The following CARMIL1 variants were observed in gnomAD, a reference collection of about 807,000 sequenced individuals.
The protein encoded by CARMIL1 is F-actin-uncapping protein LRRC16A.
Under a neutral mutation model 177.1 loss-of-function variants are expected in CARMIL1, and 90 were observed. The observed-to-expected ratio is 0.51, with a 90% confidence interval of 0.43 to 0.61. The LOEUF (loss-of-function observed/expected upper bound fraction) is 0.61, where lower values mean the gene tolerates loss of function less well. Ranked by LOEUF, CARMIL1 falls within the 20% of genes least tolerant of loss-of-function variation. CARMIL1 has a pLI of 0.00. For missense variants in CARMIL1, 1,380 were observed against 1,667.0 expected (o/e 0.83, Z 3.00); for synonymous variants, 577 against 606.2 (o/e 0.95, Z 0.71).
At chr6:25,480,478 A>T (rs1374162876) in intron 11 of CARMIL1, among the ~76,000 whole-genome samples, 1 of 151,612 alleles carries the variant, frequency 6.6e-6, no homozygotes, top group Non-Finnish European at 1.5e-5. Flanking sequence ...GATTTCTTTT[A>T]GTTAGTGTTT....
At chr6:25,473,376 C>T (rs1801250486) in intron 11 of CARMIL1, among the ~76,000 whole-genome samples, 1 of 152,110 alleles carries the variant, frequency 6.6e-6, no homozygotes. Context: ...AACTTAACTA[C>T]TAATAGCAGG....
At chr6:25,414,592 A>G (rs897053322) in intron 2 of CARMIL1, among the ~76,000 whole-genome samples, 4 of 152,186 alleles carry the variant, frequency 2.6e-5, no homozygotes, top group African/African-American at 9.6e-5. Context: ...GATTTCTAGT[A>G]TGAATGTAGC....
At chr6:25,352,346 A>G (rs1788194910) in intron 2 of CARMIL1, among the ~76,000 whole-genome samples, 1 of 151,524 alleles carries the variant, frequency 6.6e-6, no homozygotes, top group South Asian at 2.1e-4. Flanking sequence ...AGGTGAGGCT[A>G]AACTTTTATT....
chr6:25,326,980 T>C lies in CARMIL1; in HGVS notation c.138+42071T>C, dbSNP rs1785169651. On this transcript the variant is annotated intron_variant, in intron 2 of 36. Transcript: ENST00000329474. The surrounding 1 kb of genome is among the most constrained non-coding windows in gnomAD (Gnocchi z 4.2). The stretch of plus-strand genomic sequence containing the variant: ...ACATAACTTTTGAACACATTGCGTT[T>C]GGAGTGTTCATGAAATGTCCAAGTG... Among the ~76,000 whole-genome samples, 2 of 152,084 alleles carry C rather than the reference T, an allele frequency of 1.3e-5. No individual in the cohort carries two copies. Among genetic ancestry groups the C allele is most frequent in the African/African-American group, 4.8e-5 (2 of 41,400 alleles).
At chr6:25,471,298 C>T (rs764679669) in intron 10 of CARMIL1, 41 bp downstream of exon 10, 1 of 1,410,258 alleles carries the variant, frequency 7.1e-7, no homozygotes, top group African/African-American at 1.4e-5. Context: ...TGCTTTAAAA[C>T]TCTGTGCCAT....
At chr6:25,465,587 GAGGTA>G in intron 8 of CARMIL1, 1 of 368,056 alleles carries the variant, frequency 2.7e-6, no homozygotes, top group Non-Finnish European at 4.9e-6. Context: ...TATGGACTTA[GAGGTA>G]GGATTTCTCT....
At chr6:25,298,393 T>C (rs1297594581) in intron 2 of CARMIL1, among the ~76,000 whole-genome samples, 1 of 152,258 alleles carries the variant, frequency 6.6e-6, no homozygotes, top group South Asian at 2.1e-4. Context: ...ACAGACTGTC[T>C]ACAGAAATGG....
At chr6:25,521,341 A>G (rs1806529322) in intron 23 of CARMIL1, among the ~76,000 whole-genome samples, 1 of 151,436 alleles carries the variant, frequency 6.6e-6, no homozygotes, top group African/African-American at 2.4e-5. Flanking sequence ...TCTCATATTC[A>G]CTTTGGGGTG....
intron 29 of CARMIL1, among the ~76,000 whole-genome samples, chr6:25,559,110 C>G (rs780580254): frequency 1.6e-4 from 25 of 152,070 alleles, no homozygotes; most frequent in Admixed American, 7.9e-4. Flanking sequence ...AAGATAGAAC[C>G]TTTCACATGG....
At chr6:25,533,253 A>AG (rs1184661579) in intron 24 of CARMIL1, among the ~76,000 whole-genome samples, 1 of 152,156 alleles carries the variant, frequency 6.6e-6, no homozygotes, top group African/African-American at 2.4e-5. Context: ...CACAATGTGC[A>AG]GGGGCCTTTT....
chr6:25,431,843 T>C (rs1796817777), intron 4 of CARMIL1, among the ~76,000 whole-genome samples: 1 of 152,128 alleles, frequency 6.6e-6, no homozygotes, highest in South Asian at 2.1e-4. Context: ...TGAATAGCTT[T>C]ACAACAGTGC....
At chr6:25,542,670 G>A (rs749738951) in intron 26 of CARMIL1, among the ~76,000 whole-genome samples, 7 of 151,844 alleles carry the variant, frequency 4.6e-5, no homozygotes, top group African/African-American at 7.3e-5. Flanking sequence ...CAACTAAAAC[G>A]TCTTAATTAA....
At chr6:25,429,688 G>A (rs982785976) in intron 4 of CARMIL1, among the ~76,000 whole-genome samples, 1 of 151,922 alleles carries the variant, frequency 6.6e-6, no homozygotes, top group East Asian at 1.9e-4. Flanking sequence ...AATTAGTGTT[G>A]GATTTTGGCA....
intron 2 of CARMIL1, among the ~76,000 whole-genome samples, chr6:25,329,251 C>A (rs977349236): frequency 6.6e-6 from 1 of 152,194 alleles, no homozygotes; most frequent in Non-Finnish European, 1.5e-5. Context: ...TCTGGGAACA[C>A]TAGGTCTATG....
chr6:25,369,525 G>GC (rs1046094924), intron 2 of CARMIL1, among the ~76,000 whole-genome samples: 3 of 151,408 alleles, frequency 2.0e-5, no homozygotes, highest in Non-Finnish European at 4.4e-5. Flanking sequence ...TGTGCCCCTC[G>GC]CCCCCCTTAC....
At chr6:25,303,125 C>CT (rs57430643) in intron 2 of CARMIL1, among the ~76,000 whole-genome samples, 13,582 of 144,052 alleles carry the variant, frequency 0.094, 1,164 homozygotes, top group African/African-American at 0.23. Context: ...TAGGCATCTC[C>CT]TTTTTTTTTT....
chr6:25,617,274 G>A (rs2151355129), intron 36 of CARMIL1, among the ~76,000 whole-genome samples: 1 of 152,084 alleles, frequency 6.6e-6, no homozygotes, highest in African/African-American at 2.4e-5. Flanking sequence ...TAATGACCCT[G>A]GTCTATAGGG....
At position 25,600,391 on chromosome 6, in the gene CARMIL1, AAAG is replaced by A; in HGVS notation, c.3198_3200del (p.Lys1066_Ser1067delinsAsn). On this transcript the variant is annotated inframe_deletion, in exon 33 of 37. Coordinates refer to ENST00000329474, the MANE Select transcript of CARMIL1 (RefSeq NM_017640.6). Reference sequence around the variant, plus strand: ...GAAAAGAAAAAGCGAGATTCTCGGAAAAGTAGTGGCTTTCTCAATTTAATCAAA... The same window carrying A: ...GAAAAGAAAAAGCGAGATTCTCGGAATAGTGGCTTTCTCAATTTAATCAAA... The A allele has an allele frequency of 6.2e-7, 1 of 1,614,018 alleles. No individual in the cohort carries two copies. Among genetic ancestry groups the A allele is most frequent in the South Asian group, 1.1e-5 (1 of 91,084 alleles).
intron 35 of CARMIL1, among the ~76,000 whole-genome samples, chr6:25,609,325 G>A (rs1816293537): frequency 6.6e-6 from 1 of 152,000 alleles, no homozygotes; most frequent in South Asian, 2.1e-4. Flanking sequence ...AATTAGCCTG[G>A]CATGGTGGCA....
Sources: allele counts gnomAD v4.1 joint callset (sites outside exome capture counted in the v4.1 genomes callset), GRCh38; gene constraint gnomAD v4.1.1; non-coding constraint Gnocchi (gnomAD v3.1); transcripts MANE v1.5; gene names NCBI Gene and HGNC (gene_info 2026-07-23, HGNC 2026-07-21).